ROR1: variants seen among roughly 807,000 people sequenced by gnomAD.
ROR1 encodes ROR family WNT receptor 1.
In ROR1, 19 loss-of-function variants were observed where a neutral mutation model predicts 78.8. That is an observed-to-expected ratio of 0.24 (90% CI 0.17 to 0.35). ROR1 has a LOEUF of 0.35. ROR1 is among the 10% of genes least tolerant of loss of function. ROR1 has a pLI of 1.00. For synonymous variants in ROR1, 386 were observed against 433.6 expected, an observed-to-expected ratio of 0.89 and a Z score of 1.36; for missense variants, 917 against 1,177.8, an observed-to-expected ratio of 0.78 and a Z score of 3.24.
intron 1 of ROR1, among the ~76,000 whole-genome samples, chr1:63,880,129 A>T (rs1291496794): frequency 1.3e-5 from 2 of 152,156 alleles, no homozygotes; most frequent in Non-Finnish European, 2.9e-5. Context: ...AATGTGGGTA[A>T]TAATAGTAAT....
chr1:63,774,710 C>T lies in ROR1; in HGVS notation c.91+202C>T, dbSNP rs1459492944. ...CAGGCCAGGGTTTGCCCCGGAGCCC[C>T]GCGGCGGGCCGGGGCGCGCCCAGGG... On this transcript the variant is annotated intron_variant, in intron 1 of 8. Transcript: ENST00000371079. The surrounding 1 kb of genome is among the most constrained non-coding windows in gnomAD (Gnocchi z 5.7). Among the ~76,000 whole-genome samples the T allele has an allele frequency of 6.6e-6, 1 of 151,366 alleles. No homozygotes were observed. Among genetic ancestry groups the T allele is most frequent in the East Asian group, 2.0e-4 (1 of 5,112 alleles).
At chr1:63,834,917 C>T (rs993157014) in intron 1 of ROR1, among the ~76,000 whole-genome samples, 1 of 152,096 alleles carries the variant, frequency 6.6e-6, no homozygotes, top group African/African-American at 2.4e-5. Context: ...AATCAACATT[C>T]TTCTAGACCT....
chr1:63,819,544 A>G (rs1644912215), intron 1 of ROR1, among the ~76,000 whole-genome samples: 1 of 152,184 alleles, frequency 6.6e-6, no homozygotes, highest in South Asian at 2.1e-4. Context: ...AGTTCTTTCC[A>G]TTAGAAAATG....
intron 1 of ROR1, among the ~76,000 whole-genome samples, chr1:63,918,104 G>A (rs113386566): frequency 0.024 from 3,680 of 152,280 alleles, 45 homozygotes; most frequent in South Asian, 0.032. Flanking sequence ...GCCCTGACTC[G>A]GGTGCCCCGG....
At chr1:64,060,957 G>A (rs1646912377) in intron 4 of ROR1, among the ~76,000 whole-genome samples, 1 of 152,084 alleles carries the variant, frequency 6.6e-6, no homozygotes, top group Admixed American at 6.5e-5. Context: ...ATTGGCAAGG[G>A]GTATCTTTGT....
intron 4 of ROR1, among the ~76,000 whole-genome samples, chr1:64,075,788 A>G (rs998097732): frequency 6.6e-6 from 1 of 152,182 alleles, no homozygotes; most frequent in Non-Finnish European, 1.5e-5. Flanking sequence ...TTTACGCTTA[A>G]TGGCTCTAAG....
At chr1:64,157,180 C>A (rs1188612852) in intron 7 of ROR1, among the ~76,000 whole-genome samples, 3 of 152,158 alleles carry the variant, frequency 2.0e-5, no homozygotes. Context: ...CTCTGTCACC[C>A]AGGCTGGAGT....
chr1:63,941,928 G>A (rs1014814158), intron 1 of ROR1, among the ~76,000 whole-genome samples: 3 of 152,150 alleles, frequency 2.0e-5, no homozygotes, highest in Non-Finnish European at 4.4e-5. Context: ...TACTTTACAT[G>A]CGTTATCTCA....
rs4362024 is a variant in ROR1, at chr1:64,158,929, G to A, written c.1175-52G>A. The A allele has an allele frequency of 0.99, 1,301,983 of 1,311,254 alleles. 646,882 individuals are homozygous for A. Among genetic ancestry groups the A allele is most frequent in the East Asian group, 1 (43,359 of 43,360 alleles). The allele number at this position is 1,311,254 out of a possible 1,614,324, so 81.2% of individuals were successfully genotyped here. On this transcript the variant is annotated intron_variant, in intron 7 of 8. Transcript: ENST00000371079. The stretch of plus-strand genomic sequence containing the variant: ...TTTAAACTATGCAATGTAATATTAT[G>A]CATGTTACTTTAAAGAGTATAACTT...
intron 1 of ROR1, among the ~76,000 whole-genome samples, chr1:63,952,005 G>C (rs559789934): frequency 6.6e-6 from 1 of 152,322 alleles, no homozygotes; most frequent in Admixed American, 6.5e-5. Flanking sequence ...CCCTGTCCTA[G>C]TGGAGCATCC....
At chr1:64,044,229 C>T (rs1646766818) in intron 2 of ROR1, among the ~76,000 whole-genome samples, 1 of 152,152 alleles carries the variant, frequency 6.6e-6, no homozygotes, top group African/African-American at 2.4e-5. Context: ...GTCTAGGACC[C>T]TGAGGGCTGG....
chr1:63,794,156 C>T (rs922664726), intron 1 of ROR1, among the ~76,000 whole-genome samples: 7 of 152,204 alleles, frequency 4.6e-5, no homozygotes, highest in African/African-American at 1.4e-4. Flanking sequence ...AAAATATGGG[C>T]TCCGAGAGTC....
chr1:63,841,254 G>T (rs1421678953), intron 1 of ROR1, among the ~76,000 whole-genome samples: 1 of 152,288 alleles, frequency 6.6e-6, no homozygotes, highest in South Asian at 2.1e-4. Flanking sequence ...GCTAAATGTG[G>T]AACTTGGAAC....
intron 1 of ROR1, among the ~76,000 whole-genome samples, chr1:63,848,395 G>A (rs950263357): frequency 1.7e-4 from 26 of 152,144 alleles, no homozygotes; most frequent in Admixed American, 3.9e-4. Context: ...GCAGAGTGGA[G>A]GTAACTCAGT....
intron 4 of ROR1, among the ~76,000 whole-genome samples, chr1:64,063,594 C>A (rs1646933670): frequency 6.6e-6 from 1 of 151,810 alleles, no homozygotes; most frequent in African/African-American, 2.4e-5. Flanking sequence ...AATTAAAGAT[C>A]ATCTGTTGCT....
chr1:63,788,883 G>T (rs1644707838), intron 1 of ROR1: 1 of 878,038 alleles, frequency 1.1e-6, no homozygotes, highest in Non-Finnish European at 1.8e-6. Flanking sequence ...GCTTGTGGAT[G>T]TGTTCCATGA....
intron 4 of ROR1, among the ~76,000 whole-genome samples, chr1:64,078,382 A>G (rs764876410): frequency 2.6e-5 from 4 of 152,202 alleles, no homozygotes; most frequent in Non-Finnish European, 4.4e-5. Flanking sequence ...CAAAGGGAAT[A>G]TGCAGGGCCT....
At chr1:64,139,509 T>C (rs1166562538) in intron 5 of ROR1, among the ~76,000 whole-genome samples, 1 of 152,186 alleles carries the variant, frequency 6.6e-6, no homozygotes, top group Admixed American at 6.5e-5. Context: ...TAGTAAGAGA[T>C]TAAGCTAAGG....
intron 4 of ROR1, among the ~76,000 whole-genome samples, chr1:64,079,886 A>G (rs766050777): frequency 1.3e-5 from 2 of 152,058 alleles, no homozygotes; most frequent in Non-Finnish European, 2.9e-5. Context: ...AGCAGAAGCC[A>G]TGCTCTAGTT....
Sources: gnomAD v4.1 joint callset for allele counts (sites outside exome capture counted in the v4.1 genomes callset) on GRCh38, gnomAD v4.1.1 for gene constraint, Gnocchi (gnomAD v3.1) non-coding constraint, MANE v1.5 for transcripts, NCBI Gene and HGNC (gene_info 2026-07-23, HGNC 2026-07-21) for gene names.